Variants in EBF1 observed in about 807,000 individuals in gnomAD.
EBF1 encodes EBF transcription factor 1, also known as transcription factor COE1.
In EBF1, 10 loss-of-function variants were observed where a neutral mutation model predicts 68.4. The observed-to-expected ratio is 0.15, with a 90% CI of 0.09 to 0.25. The LOEUF is 0.25. Ranked by LOEUF, EBF1 falls within the 10% of genes least tolerant of loss-of-function variation. The pLI, the probability that EBF1 is intolerant of heterozygous loss-of-function variation, is 1.00. For synonymous variants in EBF1, 298 were observed against 299.8 expected (o/e 0.99, Z 0.06); for missense variants, 509 against 794.4 (o/e 0.64, Z 4.32).
chr5:158,770,561 C>T (rs541700229), intron 10 of EBF1, among the ~76,000 whole-genome samples: 36 of 152,142 alleles, frequency 2.4e-4, no homozygotes, highest in Non-Finnish European at 4.6e-4. Context: ...GACTACTTCT[C>T]GCAGCCTTCT....
intron 6 of EBF1, among the ~76,000 whole-genome samples, chr5:158,883,402 G>GTA (rs1261616695): frequency 2.5e-4 from 37 of 149,174 alleles, no homozygotes; most frequent in South Asian, 1.1e-3. Context: ...ATACATGTGT[G>GTA]TATATATATA....
chr5:158,942,916 G>A (rs145312253), intron 6 of EBF1, among the ~76,000 whole-genome samples: 3 of 41,632 alleles, frequency 7.2e-5, no homozygotes, highest in African/African-American at 2.0e-4. Flanking sequence ...AAGAGGGAGG[G>A]GGAAGGAGGG....
intron 6 of EBF1, among the ~76,000 whole-genome samples, chr5:158,893,244 CT>C (rs1801534313): frequency 6.6e-6 from 1 of 152,114 alleles, no homozygotes; most frequent in South Asian, 2.1e-4. Context: ...ATTATTAAGC[CT>C]TTTTTCTCTT....
At chr5:159,099,224 G>C (rs1783193143) in intron 1 of EBF1, 121 bp downstream of exon 1, 4 of 703,096 alleles carry the variant, frequency 5.7e-6, no homozygotes, top group Admixed American at 4.6e-5. Flanking sequence ...GGAGCGCAGC[G>C]GCTGCGGACT....
intron 7 of EBF1, among the ~76,000 whole-genome samples, chr5:158,836,352 C>T (rs1038585553): frequency 6.6e-6 from 1 of 151,822 alleles, no homozygotes; most frequent in African/African-American, 2.4e-5. Flanking sequence ...CAGAAGGAGA[C>T]CTGGAAAAAA....
At chr5:158,841,947 G>A (rs559281369) in intron 6 of EBF1, among the ~76,000 whole-genome samples, 5 of 152,186 alleles carry the variant, frequency 3.3e-5, no homozygotes, top group Admixed American at 6.5e-5. Flanking sequence ...ATAATCACTT[G>A]CCGCTACTTC....
intron 8 of EBF1, among the ~76,000 whole-genome samples, chr5:158,807,170 A>G (rs1022668602): frequency 2.0e-5 from 3 of 152,142 alleles, no homozygotes; most frequent in Admixed American, 2.0e-4. Flanking sequence ...AATCAGAGCT[A>G]CAATATAGGG....
At chr5:158,731,194 A>T in intron 10 of EBF1, 37 bp from the exon 11 acceptor site, 3 of 1,594,528 alleles carry the variant, frequency 1.9e-6, no homozygotes, top group Non-Finnish European at 2.6e-6. Flanking sequence ...TACATTTTCA[A>T]GAAATAAAGC....
intron 5 of EBF1, among the ~76,000 whole-genome samples, chr5:159,079,643 G>C (rs1346928361): frequency 7.7e-6 from 1 of 129,680 alleles, no homozygotes; most frequent in African/African-American, 3.0e-5. Flanking sequence ...GTGGAGTCTC[G>C]CTCTGTCACC....
intron 1 of EBF1, 98 bp from the exon 2 acceptor site, chr5:159,097,228 C>T (rs1408847718): frequency 1.5e-6 from 2 of 1,374,024 alleles, no homozygotes; most frequent in East Asian, 2.5e-5. Flanking sequence ...CACCCACCTC[C>T]TCTTCCCCCA....
At chr5:158,739,811 C>T (rs1287338879) in intron 10 of EBF1, among the ~76,000 whole-genome samples, 1 of 152,074 alleles carries the variant, frequency 6.6e-6, no homozygotes, top group South Asian at 2.1e-4. Flanking sequence ...GTAAAATCAC[C>T]CAGCCTGTCT....
At chr5:158,844,537 ACCT>A (rs1427689505) in intron 6 of EBF1, among the ~76,000 whole-genome samples, 1 of 152,172 alleles carries the variant, frequency 6.6e-6, no homozygotes, top group Non-Finnish European at 1.5e-5. Flanking sequence ...ACTTAGTCTA[ACCT>A]CCTCATTTTG....
At chr5:158,876,087 C>T (rs1323925092) in intron 6 of EBF1, among the ~76,000 whole-genome samples, 6 of 152,080 alleles carry the variant, frequency 3.9e-5, no homozygotes, top group Non-Finnish European at 1.5e-5. Flanking sequence ...AGTTTAGAGG[C>T]CAAAAAACTG....
intron 6 of EBF1, among the ~76,000 whole-genome samples, chr5:158,997,454 T>C (rs780074943): frequency 3.9e-5 from 6 of 152,198 alleles, no homozygotes; most frequent in Non-Finnish European, 8.8e-5. Flanking sequence ...TAGAGTTGTT[T>C]ATCCTCCGTC....
chr5:159,093,098 A>G (rs1781943904), intron 4 of EBF1, among the ~76,000 whole-genome samples: 2 of 152,180 alleles, frequency 1.3e-5, no homozygotes. Flanking sequence ...TTTTTATGTC[A>G]CACCTAGGGA....
At chr5:158,947,622 G>A (rs1300342625) in intron 6 of EBF1, among the ~76,000 whole-genome samples, 1 of 152,232 alleles carries the variant, frequency 6.6e-6, no homozygotes, top group African/African-American at 2.4e-5. Context: ...CTGCAGACAG[G>A]AGCTGTTCCT....
At chr5:158,881,041 G>A (rs778848220) in intron 6 of EBF1, among the ~76,000 whole-genome samples, 3 of 152,138 alleles carry the variant, frequency 2.0e-5, no homozygotes, top group Non-Finnish European at 4.4e-5. Context: ...AGTAAAGAGA[G>A]GAAGGTTCAG....
intron 9 of EBF1, among the ~76,000 whole-genome samples, chr5:158,780,747 G>A (rs1776302811): frequency 6.6e-6 from 1 of 151,926 alleles, no homozygotes; most frequent in South Asian, 2.1e-4. Flanking sequence ...CATAATTATG[G>A]AATAAAACAA....
chr5:158,969,900 GAAAGAAAGAAAGAAAGAAAAA>G (rs1755160891), intron 6 of EBF1, among the ~76,000 whole-genome samples: 1 of 107,168 alleles, frequency 9.3e-6, no homozygotes, highest in Non-Finnish European at 2.0e-5. Context: ...AAGAAAGAAA[GAAAGAAAGAAAGAAAGAAAAA>G]AAAAAAAAAG....
Sources: gnomAD v4.1 joint callset for allele counts (sites outside exome capture counted in the v4.1 genomes callset) on GRCh38, gnomAD v4.1.1 for gene constraint, MANE v1.5 for transcripts, NCBI Gene and HGNC (gene_info 2026-07-23, HGNC 2026-07-21) for gene names.